The following CSMD1 variants were observed in gnomAD, a reference collection of about 807,000 sequenced individuals.
CSMD1 encodes the protein CUB and Sushi multiple domains 1, also known as CUB and sushi domain-containing protein 1.
In CSMD1, 213 loss-of-function variants were observed where a neutral mutation model predicts 417.5. The ratio of observed to expected loss-of-function variants is 0.51; its 90% CI spans 0.46 to 0.57. CSMD1 has a LOEUF of 0.57. Among genes scored for constraint, CSMD1 ranks in the 20% least tolerant of loss-of-function variants. CSMD1 has a pLI of 0.00. For missense variants in CSMD1, 6,923 were observed against 4,529.7 expected (o/e 1.53, Z -15.17); for synonymous variants, 2,862 against 1,736.8 (o/e 1.65, Z -16.11).
At chr8:4,384,905 C>G (rs1243783309) in intron 3 of CSMD1, among the ~76,000 whole-genome samples, 2 of 152,184 alleles carry the variant, frequency 1.3e-5, no homozygotes, top group Non-Finnish European at 2.9e-5. Context: ...AACAGAGTGG[C>G]TGGATGGCTT....
chr8:3,889,493 A>ATATATATATATAT (rs1491523329), intron 5 of CSMD1, among the ~76,000 whole-genome samples: 1 of 44,382 alleles, frequency 2.3e-5, no homozygotes, highest in Non-Finnish European at 4.6e-5. Flanking sequence ...ATATATATAT[A>ATATATATATATAT]AAATATGCTC....
intron 3 of CSMD1, among the ~76,000 whole-genome samples, chr8:4,368,486 A>C (rs182875543): frequency 6.6e-6 from 1 of 152,192 alleles, no homozygotes; most frequent in Non-Finnish European, 1.5e-5. Context: ...CTGGTTTCAT[A>C]AAGTGACTTA....
chr8:4,297,166 G>A (rs1341805245), intron 3 of CSMD1, among the ~76,000 whole-genome samples: 2 of 152,036 alleles, frequency 1.3e-5, no homozygotes, highest in African/African-American at 4.8e-5. Flanking sequence ...AAATAGTCAT[G>A]AATATACTTT....
intron 38 of CSMD1, among the ~76,000 whole-genome samples, chr8:3,160,057 A>G (rs1819785791): frequency 6.6e-6 from 1 of 152,202 alleles, no homozygotes; most frequent in South Asian, 2.1e-4. Flanking sequence ...AGGCACAAAA[A>G]CAGCATGTCA....
At chr8:3,299,313 A>G (rs769908029) in intron 25 of CSMD1, among the ~76,000 whole-genome samples, 42 of 152,092 alleles carry the variant, frequency 2.8e-4, no homozygotes, top group Admixed American at 1.4e-3. Context: ...TCAGCTGGGC[A>G]TGGTGGCAGA....
At chr8:3,438,516 A>G (rs1814722949) in intron 12 of CSMD1, among the ~76,000 whole-genome samples, 1 of 152,088 alleles carries the variant, frequency 6.6e-6, no homozygotes, top group Non-Finnish European at 1.5e-5. Context: ...ACCTTCTGGG[A>G]TTGACTTTTT....
chr8:4,888,059 C>A lies in CSMD1; in HGVS notation c.85+106273G>T, dbSNP rs565180115. 1.1e-4 allele frequency among the ~76,000 whole-genome samples: 16 copies of A among 152,070 alleles called. No individual in the cohort carries two copies. In the South Asian group the frequency reaches 3.3e-3, roughly 32 times the overall value. ...TATATGCCACTTCTAGGAATTTACT[C>A]TGAAGATAAACTTTCAACAATGTAA... On this transcript the variant is annotated intron_variant, in intron 1 of 69. Transcript: ENST00000635120.
intron 30 of CSMD1, among the ~76,000 whole-genome samples, chr8:3,211,828 C>G (rs1394339291): frequency 6.6e-6 from 1 of 152,236 alleles, no homozygotes; most frequent in African/African-American, 2.4e-5. Flanking sequence ...TGGCCAACCT[C>G]AAGAGCACAG....
intron 1 of CSMD1, among the ~76,000 whole-genome samples, chr8:4,714,949 C>A (rs1808554933): frequency 6.6e-6 from 1 of 152,178 alleles, no homozygotes; most frequent in South Asian, 2.1e-4. Context: ...GAGAATTCTG[C>A]TGCTGTTTTT....
intron 3 of CSMD1, among the ~76,000 whole-genome samples, chr8:4,402,609 C>T (rs1315873531): frequency 6.6e-6 from 1 of 152,086 alleles, no homozygotes; most frequent in African/African-American, 2.4e-5. Flanking sequence ...TACATTACTG[C>T]TCCCCATTCT....
At position 4,979,855 on chromosome 8, in the gene CSMD1, T is replaced by G. The variant is rs139154900; in HGVS notation, c.85+14477A>C. On this transcript the variant is annotated intron_variant, in intron 1 of 69. Transcript: ENST00000635120. ...GATCTAGATCATCCTGGCTAACACATTGAAACCCCATCTCTACTAAAAATA... is the reference window on the plus strand; with the variant it reads ...GATCTAGATCATCCTGGCTAACACAGTGAAACCCCATCTCTACTAAAAATA... Among the ~76,000 whole-genome samples, 1,019 of 151,846 alleles carry G rather than the reference T, an allele frequency of 6.7e-3. 9 individuals carry two copies. Among genetic ancestry groups the G allele is most frequent in the African/African-American group, 0.023 (955 of 41,342 alleles).
chr8:4,845,778 G>A (rs1023175560), intron 1 of CSMD1, among the ~76,000 whole-genome samples: 1 of 152,192 alleles, frequency 6.6e-6, no homozygotes, highest in African/African-American at 2.4e-5. Flanking sequence ...CACGTGAGTA[G>A]TATCACAAGG....
chr8:3,929,890 G>T (rs1038665409), intron 5 of CSMD1, among the ~76,000 whole-genome samples: 1 of 150,110 alleles, frequency 6.7e-6, no homozygotes, highest in Non-Finnish European at 1.5e-5. Context: ...TCCAACCCCT[G>T]ACCTCAGGTG....
chr8:3,380,632 C>G (rs905408735), intron 18 of CSMD1, among the ~76,000 whole-genome samples: 1 of 152,054 alleles, frequency 6.6e-6, no homozygotes, highest in Non-Finnish European at 1.5e-5. Context: ...GGTAGACTAA[C>G]ATAGGAATAC....
rs202113797 is a variant in CSMD1 at position 4,687,287 on chromosome 8, C to A, written c.86-49729G>T. Among the ~76,000 whole-genome samples, 15 of 152,276 alleles carry A rather than the reference C, an allele frequency of 9.9e-5. No homozygotes were observed. The East Asian group carries it at 1.9e-3, about 20-fold the overall frequency. Reference sequence around the variant, plus strand: ...AGATGAAGGAGGACAAGGAGCCTTACTGAGGACAGAGGATGATGTGTGAAG... The same window carrying A: ...AGATGAAGGAGGACAAGGAGCCTTAATGAGGACAGAGGATGATGTGTGAAG... On this transcript the variant is annotated intron_variant, in intron 1 of 69. Transcript: ENST00000635120.
At chr8:3,364,940 T>G (rs984721793) in intron 20 of CSMD1, among the ~76,000 whole-genome samples, 3 of 152,244 alleles carry the variant, frequency 2.0e-5, no homozygotes, top group Admixed American at 1.3e-4. Flanking sequence ...ACTGATGCAG[T>G]AAAATGAATA....
chr8:3,609,950 C>T (rs1801810246), intron 8 of CSMD1, among the ~76,000 whole-genome samples: 1 of 151,276 alleles, frequency 6.6e-6, no homozygotes, highest in Non-Finnish European at 1.5e-5. Context: ...TACGGGCGCA[C>T]ACCAACATGC....
intron 3 of CSMD1, among the ~76,000 whole-genome samples, chr8:4,034,301 T>C (rs562854091): frequency 1.3e-5 from 2 of 152,336 alleles, no homozygotes; most frequent in Non-Finnish European, 2.9e-5. Flanking sequence ...ATTATTGACA[T>C]GTTTATGAGA....
Position 4,427,733 on chromosome 8 carries a change from A to G in CSMD1, c.303-7668T>C, listed in dbSNP as rs74958851. ...TTCAGCATATCACTAATTTGAAACTATTAATATAAAGTATATAAATCTCTC... is the reference window on the plus strand; with the variant it reads ...TTCAGCATATCACTAATTTGAAACTGTTAATATAAAGTATATAAATCTCTC... On this transcript the variant is annotated intron_variant, in intron 2 of 69. Coordinates refer to ENST00000635120, the MANE Select transcript of CSMD1 (RefSeq NM_033225.6). Among the ~76,000 whole-genome samples, 855 of 152,268 alleles carry G rather than the reference A, an allele frequency of 5.6e-3. 9 individuals are homozygous for G. The highest frequency in any genetic ancestry group is 0.019 in the African/African-American group (802 of 41,544).
Sources: allele counts gnomAD v4.1 joint callset (sites outside exome capture counted in the v4.1 genomes callset), GRCh38; gene constraint gnomAD v4.1.1; transcripts MANE v1.5; gene names NCBI Gene and HGNC (gene_info 2026-07-23, HGNC 2026-07-21).